CALM2: variants seen among roughly 807,000 people sequenced by gnomAD.
The protein encoded by CALM2 is calmodulin-2.
Under a neutral mutation model 19.8 loss-of-function variants are expected in CALM2, and 2 were observed. That is an observed-to-expected ratio of 0.10 (90% CI 0.04 to 0.32). The LOEUF (loss-of-function observed/expected upper bound fraction) is 0.32, where lower values mean the gene tolerates loss of function less well. Ranked by LOEUF, CALM2 falls within the 10% of genes least tolerant of loss-of-function variation. CALM2 has a pLI of 1.00. For missense variants in CALM2, 38 were observed against 178.7 expected, an observed-to-expected ratio of 0.21 and a Z score of 4.49; for synonymous variants, 51 against 52.1, an observed-to-expected ratio of 0.98 and a Z score of 0.09.
chr2:47,173,762 C>G (rs1040877565), intron 1 of CALM2: 1 of 152,192 alleles, frequency 6.6e-6, no homozygotes, highest in African/African-American at 2.4e-5. Context: ...TTTGATACAA[C>G]AAGGATTCCT....
intron 2 of CALM2, among the ~76,000 whole-genome samples, chr2:47,170,001 A>C (rs149103872): frequency 1.3e-5 from 2 of 152,026 alleles, no homozygotes; most frequent in African/African-American, 4.8e-5. Context: ...GGGAAAAAAA[A>C]GTTTCCCCAA....
In CALM2 at chr2:47,160,814, A is replaced by G. The variant is rs1442685445; in HGVS notation, c.422-10T>C. The G allele has an allele frequency of 5.4e-6, 8 of 1,485,180 alleles. No homozygotes were observed. Among genetic ancestry groups the G allele is most frequent in the Non-Finnish European group, 7.3e-6 (8 of 1,097,602 alleles). The allele number at this position is 1,485,180 out of a possible 1,614,324, so 92.0% of individuals were successfully genotyped here. On this transcript the variant is annotated splice_polypyrimidine_tract_variant and intron_variant, in intron 5 of 5. Coordinates refer to ENST00000272298, the MANE Select transcript of CALM2 (RefSeq NM_001743.6). The stretch of plus-strand genomic sequence containing the variant: ...ATCATTTGTACAAACTCTGAAAAAG[A>G]AGAAGTACACAAAAAATGAGTCAAT...
intron 1 of CALM2, chr2:47,176,224 C>T (rs575347240): frequency 3.3e-5 from 19 of 574,948 alleles, no homozygotes; most frequent in Admixed American, 1.3e-4. Context: ...GTGCGTCCGG[C>T]CCTCAACTCA....
chr2:47,160,867 A>G, intron 5 of CALM2, 63 bp from the exon 6 acceptor site: 1 of 923,122 alleles, frequency 1.1e-6, no homozygotes, highest in Non-Finnish European at 1.6e-6. Flanking sequence ...AAAAAAAAAA[A>G]AAAAAAATCA....
At position 47,160,361 on chromosome 2, in the gene CALM2, G is replaced by C. The variant is rs1803207; in HGVS notation, c.*415C>G. The C allele has an allele frequency of 6.4e-6, 1 of 156,916 alleles. No individual in the cohort carries two copies. Among genetic ancestry groups the C allele is most frequent in the African/African-American group, 2.4e-5 (1 of 41,626 alleles). The allele number at this position is 156,916 out of a possible 1,614,324, so 9.7% of individuals were successfully genotyped here. A position where few individuals can be genotyped will look rare whatever the true frequency, so the allele number is the denominator to read the frequency against. The stretch of plus-strand genomic sequence containing the variant: ...AGTACCTGGATAATACACCCGTTTT[G>C]CAATAGTGCAACTTTTAAGTACATA... On this transcript the variant is annotated 3_prime_UTR_variant, in exon 6 of 6. Coordinates refer to ENST00000272298, the MANE Select transcript of CALM2 (RefSeq NM_001743.6).
chr2:47,161,653 G>C, intron 5 of CALM2, 70 bp downstream of exon 5: 2 of 1,450,858 alleles, frequency 1.4e-6, no homozygotes, highest in Middle Eastern at 5.0e-4. Context: ...ATTTCGATCA[G>C]TTCCCTAACA....
intron 1 of CALM2, among the ~76,000 whole-genome samples, chr2:47,175,195 G>C (rs1573233644): frequency 6.9e-6 from 1 of 145,682 alleles, no homozygotes; most frequent in African/African-American, 2.5e-5. Context: ...CACAGTATTT[G>C]ACAGACAAAC....
At chr2:47,174,767 A>G (rs1306339851) in intron 1 of CALM2, among the ~76,000 whole-genome samples, 1 of 152,164 alleles carries the variant, frequency 6.6e-6, no homozygotes, top group Non-Finnish European at 1.5e-5. Flanking sequence ...AAAAAAGCTT[A>G]CTCCACAACT....
In CALM2 at chr2:47,162,504, A is replaced by G. The variant is rs766437970; in HGVS notation, c.178+15T>C. 1.5e-5 allele frequency: 25 copies of G among 1,613,924 alleles called. No homozygotes were observed. The highest frequency in any genetic ancestry group is 2.0e-5 in the Non-Finnish European group (24 of 1,179,992). On this transcript the variant is annotated intron_variant, in intron 3 of 5. Coordinates refer to ENST00000272298, the MANE Select transcript of CALM2 (RefSeq NM_001743.6). ...TTCTTCAACCCCTCCCAGCCCCACA[A>G]AATTGAAGACTTACCATCAGCATCT...
chr2:47,172,274 G>A, intron 1 of CALM2: 2 of 327,754 alleles, frequency 6.1e-6, no homozygotes, highest in South Asian at 4.9e-5. Flanking sequence ...AACCTGGCAT[G>A]CGTGGCGTGG....
intron 2 of CALM2, among the ~76,000 whole-genome samples, chr2:47,167,179 C>T (rs138604499): frequency 6.5e-4 from 99 of 152,282 alleles, no homozygotes; most frequent in African/African-American, 2.3e-3. Context: ...TGTTGCTATA[C>T]ATTGAGTAAT....
At chr2:47,175,766 C>A (rs1306703556) in intron 1 of CALM2, among the ~76,000 whole-genome samples, 1 of 147,102 alleles carries the variant, frequency 6.8e-6, no homozygotes, top group African/African-American at 2.4e-5. Context: ...GCAGCTGGAG[C>A]TCGAGCGGGG....
intron 2 of CALM2, among the ~76,000 whole-genome samples, chr2:47,165,665 A>G (rs1234543264): frequency 6.6e-6 from 1 of 152,078 alleles, no homozygotes; most frequent in Non-Finnish European, 1.5e-5. Flanking sequence ...CTCCTTGGCC[A>G]CTTCATCTAT....
At position 47,165,448 on chromosome 2, in the gene CALM2, A is replaced by G. The variant is rs796150520; in HGVS notation, c.35-2786T>C. Among the ~76,000 whole-genome samples, 14 of 152,326 alleles carry G rather than the reference A, an allele frequency of 9.2e-5. 1 individual carries two copies. Among genetic ancestry groups the G allele is most frequent in the African/African-American group, 3.4e-4 (14 of 41,562 alleles). ...AAATTAGTATGTGTCAAACACTTAG[A>G]ACTATGTCCAACAAATACATACTTA... On this transcript the variant is annotated intron_variant, in intron 2 of 5. Coordinates refer to ENST00000272298, the MANE Select transcript of CALM2 (RefSeq NM_001743.6).
intron 1 of CALM2, 23 bp downstream of exon 1, chr2:47,176,418 C>T: frequency 6.2e-7 from 1 of 1,612,750 alleles, no homozygotes; most frequent in East Asian, 2.2e-5. Flanking sequence ...GGCCCAGCGC[C>T]GGCAGCTCAG....
In CALM2 at chr2:47,176,453, G is replaced by A. The variant is rs747231532; in HGVS notation, c.-10C>T. On this transcript the variant is annotated 5_prime_UTR_variant, in exon 1 of 6. Coordinates refer to ENST00000272298, the MANE Select transcript of CALM2 (RefSeq NM_001743.6). ...GCGATGCACTCACCATGCTGCAAGCGCTACCGGTTTCCGAGACGCGACCAC... is the reference window on the plus strand; with the variant it reads ...GCGATGCACTCACCATGCTGCAAGCACTACCGGTTTCCGAGACGCGACCAC... The A allele has an allele frequency of 6.8e-6, 11 of 1,613,466 alleles. No individual in the cohort carries two copies. The Admixed American group carries it at 1.7e-4, about 24-fold the overall frequency.
At chr2:47,174,739 C>A (rs1403163544) in intron 1 of CALM2, among the ~76,000 whole-genome samples, 4 of 151,936 alleles carry the variant, frequency 2.6e-5, no homozygotes, top group Non-Finnish European at 5.9e-5. Context: ...GAAAACTTTA[C>A]CCTTCGTTTA....
At chr2:47,175,454 A>G (rs1413937811) in intron 1 of CALM2, among the ~76,000 whole-genome samples, 2 of 152,202 alleles carry the variant, frequency 1.3e-5, no homozygotes, top group African/African-American at 2.4e-5. Context: ...GGTGAACAAG[A>G]AACGCCTTGT....
intron 1 of CALM2, among the ~76,000 whole-genome samples, chr2:47,175,977 C>T (rs12987588): frequency 0.064 from 9,754 of 151,950 alleles, 618 homozygotes; most frequent in African/African-American, 0.17. Context: ...CTCCCGCCCC[C>T]TGGGCGCATG....
Sources: allele counts gnomAD v4.1 joint callset (sites outside exome capture counted in the v4.1 genomes callset), GRCh38; gene constraint gnomAD v4.1.1; transcripts MANE v1.5; gene names NCBI Gene and HGNC (gene_info 2026-07-23, HGNC 2026-07-21).